The following FAM107B variants were observed in gnomAD, a reference collection of about 807,000 sequenced individuals.
The protein encoded by FAM107B is family with sequence similarity 107 member B.
FAM107B carries 21 observed loss-of-function variants against 31.5 expected under a neutral mutation model. That is an observed-to-expected ratio of 0.67 (90% CI 0.47 to 0.96). The LOEUF is 0.96. FAM107B is among the 40% of genes least tolerant of loss of function. The pLI, the probability that FAM107B is intolerant of heterozygous loss-of-function variation, is 0.00. For missense variants in FAM107B, 452 were observed against 377.1 expected (o/e 1.20, Z -1.64); for synonymous variants, 157 against 141.5 (o/e 1.11, Z -0.78).
At chr10:14,630,709 A>G (rs1853332559) in intron 2 of FAM107B, among the ~76,000 whole-genome samples, 1 of 151,876 alleles carries the variant, frequency 6.6e-6, no homozygotes, top group South Asian at 2.1e-4. Flanking sequence ...AAATTAGCCA[A>G]GCATGATGGC....
rs561572158 is a variant in FAM107B, at chr10:14,675,382, G to A, written c.412-7691C>T. Among the ~76,000 whole-genome samples the A allele has an allele frequency of 9.2e-5, 14 of 152,196 alleles. No homozygotes were observed. The South Asian group carries it at 2.7e-3, about 29-fold the overall frequency. On this transcript the variant is annotated intron_variant, in intron 1 of 4. Coordinates refer to ENST00000181796, the MANE Select transcript of FAM107B (RefSeq NM_031453.4). ...TCTCTCAACTGGTCTCTGACTTTCC[G>A]AGGAAATGGATCTGTGGGTAGATGC...
intron 1 of FAM107B, among the ~76,000 whole-genome samples, chr10:14,676,411 T>C (rs994280544): frequency 6.6e-6 from 1 of 152,152 alleles, no homozygotes; most frequent in African/African-American, 2.4e-5. Context: ...GAGCAAAAAC[T>C]GTGCTTCCCT....
rs1851556622 is a variant in FAM107B at position 14,579,168 on chromosome 10, AC to A, written c.470-48654del. Among the ~76,000 whole-genome samples, 5 of 152,350 alleles carry A rather than the reference AC, an allele frequency of 3.3e-5. No individual in the cohort carries two copies. The South Asian group carries it at 1.0e-3, about 32-fold the overall frequency. ...ATCTTAATTTGCTTCTGAAATAATT[AC>A]CAATTTGACATACCAATTGTGAAAA... On this transcript the variant is annotated intron_variant, in intron 2 of 4. Coordinates refer to ENST00000181796, the MANE Select transcript of FAM107B (RefSeq NM_031453.4).
intron 1 of FAM107B, among the ~76,000 whole-genome samples, chr10:14,761,221 T>C (rs146483018): frequency 1.1e-3 from 170 of 152,296 alleles, no homozygotes; most frequent in African/African-American, 4.0e-3. Flanking sequence ...CAAACTTTCA[T>C]GGGGGCCTAA....
At chr10:14,683,663 A>G (rs921933414) in intron 1 of FAM107B, among the ~76,000 whole-genome samples, 5 of 152,224 alleles carry the variant, frequency 3.3e-5, no homozygotes, top group African/African-American at 2.4e-5. Flanking sequence ...TCATATGGAG[A>G]TAGGGTTACA....
intron 1 of FAM107B, among the ~76,000 whole-genome samples, chr10:14,673,639 T>A (rs575760025): frequency 6.6e-6 from 1 of 152,306 alleles, no homozygotes; most frequent in South Asian, 2.1e-4. Flanking sequence ...CTCCTTCCCT[T>A]TGGATGCATA....
At chr10:14,767,055 T>TATATATAGAGAGAGAGAG (rs1440609298) in intron 1 of FAM107B, among the ~76,000 whole-genome samples, 3 of 18,280 alleles carry the variant, frequency 1.6e-4, no homozygotes, top group African/African-American at 3.1e-4. Flanking sequence ...TATATATATA[T>TATATATAGAGAGAGAGAG]AGAGAGAGAG....
intron 2 of FAM107B, among the ~76,000 whole-genome samples, chr10:14,646,746 C>G (rs897577091): frequency 6.8e-6 from 1 of 147,686 alleles, no homozygotes; most frequent in African/African-American, 2.5e-5. Context: ...GCTCGCCATA[C>G]TGTTTTCCAT....
chr10:14,612,239 G>A (rs914076509), intron 2 of FAM107B, among the ~76,000 whole-genome samples: 1 of 152,218 alleles, frequency 6.6e-6, no homozygotes, highest in African/African-American at 2.4e-5. Context: ...TGCTGTTCAA[G>A]TAATAACATT....
intron 1 of FAM107B, among the ~76,000 whole-genome samples, chr10:14,758,435 A>G (rs1176317568): frequency 6.6e-6 from 1 of 152,198 alleles, no homozygotes; most frequent in Non-Finnish European, 1.5e-5. Flanking sequence ...TGCGTGTTAG[A>G]ATTACTAGAG....
intron 2 of FAM107B, among the ~76,000 whole-genome samples, chr10:14,622,620 A>C (rs1225284148): frequency 6.6e-6 from 1 of 152,202 alleles, no homozygotes; most frequent in Non-Finnish European, 1.5e-5. Context: ...AGAGAAAGTC[A>C]GAAAGCTTCC....
intron 2 of FAM107B, among the ~76,000 whole-genome samples, chr10:14,654,730 A>G (rs776955241): frequency 4.6e-5 from 7 of 152,224 alleles, no homozygotes; most frequent in Non-Finnish European, 1.0e-4. Flanking sequence ...AGTTGAGTTG[A>G]AATACACCAG....
chr10:14,696,419 G>A (rs1855266691), intron 1 of FAM107B, among the ~76,000 whole-genome samples: 1 of 152,088 alleles, frequency 6.6e-6, no homozygotes, highest in Non-Finnish European at 1.5e-5. Flanking sequence ...TTTTGCATCA[G>A]TATTCATCAG....
At chr10:14,723,248 C>T (rs761840851) in intron 1 of FAM107B, 95 of 532,062 alleles carry the variant, frequency 1.8e-4, no homozygotes, top group Non-Finnish European at 2.7e-4. Flanking sequence ...GTGGTGGGGC[C>T]GAGCACTCCA....
At chr10:14,536,780 C>G (rs1219371443) in intron 2 of FAM107B, among the ~76,000 whole-genome samples, 1 of 152,140 alleles carries the variant, frequency 6.6e-6, no homozygotes, top group East Asian at 1.9e-4. Flanking sequence ...CTCTGCCAAG[C>G]TCCACTATGG....
At chr10:14,618,834 A>T (rs1852919960) in intron 2 of FAM107B, among the ~76,000 whole-genome samples, 1 of 149,394 alleles carries the variant, frequency 6.7e-6, no homozygotes, top group South Asian at 2.1e-4. Context: ...GAGACTGCTT[A>T]AAAAAAAAAT....
intron 2 of FAM107B, among the ~76,000 whole-genome samples, chr10:14,596,995 GC>G (rs1852209479): frequency 6.6e-6 from 1 of 152,132 alleles, no homozygotes; most frequent in Admixed American, 6.6e-5. Context: ...TTCATGGCAA[GC>G]TTAGGCTTAA....
chr10:14,570,051 C>A (rs1851060956), intron 2 of FAM107B, among the ~76,000 whole-genome samples: 1 of 152,182 alleles, frequency 6.6e-6, no homozygotes, highest in African/African-American at 2.4e-5. Context: ...TAAATTAAAG[C>A]ATCCAAATAT....
chr10:14,682,025 C>T (rs1254772705), intron 1 of FAM107B, among the ~76,000 whole-genome samples: 1 of 152,146 alleles, frequency 6.6e-6, no homozygotes, highest in Non-Finnish European at 1.5e-5. Context: ...TGAACATTTC[C>T]AGCCCTGAGT....
Sources: allele counts gnomAD v4.1 joint callset (sites outside exome capture counted in the v4.1 genomes callset), GRCh38; gene constraint gnomAD v4.1.1; transcripts MANE v1.5; gene names NCBI Gene and HGNC (gene_info 2026-07-23, HGNC 2026-07-21).